Variants in RC3H2 observed in about 807,000 individuals in gnomAD.
The protein encoded by RC3H2 is ring finger and CCCH-type domains 2.
RC3H2 carries 31 observed loss-of-function variants against 133.3 expected under a neutral mutation model. The observed-to-expected ratio is 0.23, with a 90% confidence interval of 0.17 to 0.31. RC3H2 has a LOEUF of 0.31. Ranked by LOEUF, RC3H2 falls within the 10% of genes least tolerant of loss-of-function variation. The pLI is 1.00. For synonymous variants in RC3H2, 517 were observed against 502.2 expected, an observed-to-expected ratio of 1.03 and a Z score of -0.40; for missense variants, 1,175 against 1,437.2, an observed-to-expected ratio of 0.82 and a Z score of 2.95.
intron 4 of RC3H2, among the ~76,000 whole-genome samples, chr9:122,884,527 T>C (rs1831810091): frequency 6.6e-6 from 1 of 152,064 alleles, no homozygotes; most frequent in African/African-American, 2.4e-5. Context: ...CTGAAGTTAA[T>C]CATTGGAGAA....
Position 122,897,259 on chromosome 9 carries a change from G to C in RC3H2, c.231+20C>G, listed in dbSNP as rs779133221. The C allele has an allele frequency of 1.2e-6, 2 of 1,612,016 alleles. No individual in the cohort carries two copies. Among genetic ancestry groups the C allele is most frequent in the Non-Finnish European group, 1.7e-6 (2 of 1,178,418 alleles). On this transcript the variant is annotated intron_variant, in intron 2 of 20. Transcript: ENST00000357244. ...GTGATTATTTTTGCACCAACCTATA[G>C]TAAAATCTTGAATGCTTACCTGGGC...
Position 122,851,138 on chromosome 9 carries a change from T to C in RC3H2, c.3323A>G (p.His1108Arg). 6.2e-7 allele frequency: 1 copy of C among 1,614,250 alleles called. No individual in the cohort carries two copies. Among genetic ancestry groups the C allele is most frequent in the Non-Finnish European group, 8.5e-7 (1 of 1,180,042 alleles). The change falls in exon 20 of 21, where the codon CAC becomes CGC. Residue 1108 changes from histidine to arginine, a missense_variant. By Grantham distance (29) the His-to-Arg change is conservative. Coordinates refer to ENST00000357244, the MANE Select transcript of RC3H2 (RefSeq NM_001100588.3). The stretch of plus-strand genomic sequence containing the variant: ...CTTCTGCTTTGGTGGCTCCTTTTGG[T>C]GCTGCTGTACTGGATGCCCATTTTC... ...AVENGHPVQQHQKEPPKQKKQ... is the reference protein window; with the variant it reads ...AVENGHPVQQRQKEPPKQKKQ...
At chr9:122,874,298 G>C (rs183223717) in intron 9 of RC3H2, 2 of 152,080 alleles carry the variant, frequency 1.3e-5, no homozygotes, top group East Asian at 1.9e-4. Context: ...ATGTACTGAG[G>C]AACTAATTAA....
At chr9:122,894,797 T>C (rs1832347908) in intron 2 of RC3H2, among the ~76,000 whole-genome samples, 1 of 151,814 alleles carries the variant, frequency 6.6e-6, no homozygotes, top group South Asian at 2.1e-4. Context: ...GGAGAATCAC[T>C]TGAACCTGGG....
chr9:122,854,567 C>T lies in RC3H2; in HGVS notation c.2864G>A (p.Gly955Asp), dbSNP rs1403262901. 5 of 1,613,444 alleles carry T rather than the reference C, an allele frequency of 3.1e-6. No homozygotes were observed. In the African/African-American group the frequency reaches 6.7e-5, roughly 22 times the overall value. Reference protein sequence around the residue: ...NAVDSRWSSYGNEATSSAHYV... With the variant: ...NAVDSRWSSYDNEATSSAHYV... ...GTGTGCTGATGATGTGGCCTCGTTG[C>T]CATATGAACTCCACCTTGAATCAAC... The change falls in exon 16 of 21, where the codon GGC (glycine) becomes GAC (aspartate). Residue 955 changes from glycine to aspartate, a missense_variant. Physicochemically the swap from Gly to Asp is moderately conservative, Grantham distance 94. Transcript: ENST00000357244.
intron 1 of RC3H2, among the ~76,000 whole-genome samples, chr9:122,900,135 T>G (rs1832599187): frequency 6.6e-6 from 1 of 152,208 alleles, no homozygotes; most frequent in Admixed American, 6.5e-5. Context: ...GTTACAATAG[T>G]CCTTAGTGTG....
intron 9 of RC3H2, among the ~76,000 whole-genome samples, chr9:122,866,429 T>C (rs1436611692): frequency 1.7e-5 from 2 of 118,674 alleles, no homozygotes. Context: ...TCTCCCTCTC[T>C]TTCCACGGTC....
Position 122,877,489 on chromosome 9 carries a change from G to C in RC3H2, c.1307C>G (p.Ser436Cys), listed in dbSNP as rs1386242621. 2 of 1,613,876 alleles carry C rather than the reference G, an allele frequency of 1.2e-6. No individual in the cohort carries two copies. Among genetic ancestry groups the C allele is most frequent in the East Asian group, 2.2e-5 (1 of 44,878 alleles). The change falls in exon 9 of 21, where the codon TCT (serine) becomes TGT (cysteine). Residue 436 changes from serine (S) to cysteine (C), a missense_variant. Physicochemically the swap from Ser to Cys is moderately radical, Grantham distance 112. Coordinates refer to ENST00000357244, the MANE Select transcript of RC3H2 (RefSeq NM_001100588.3). ...CACTTACTTTTCAAGCTCTTCCTGA[G>C]AATGGGCAAATGTACAATTTGTTCC... ...PRGTNCTFAH[S>C]QEELEKYRLR...
chr9:122,905,341 G>C lies in RC3H2; in HGVS notation c.-299C>G. The C allele has an allele frequency of 1.0e-6, 1 of 965,092 alleles. No homozygotes were observed. The highest frequency in any genetic ancestry group is 1.2e-6 in the Non-Finnish European group (1 of 811,420). The allele number at this position is 965,092 out of a possible 1,614,324, so 59.8% of individuals were successfully genotyped here. ...CCTCCTCCTCCTCCTCCTCACCACG[G>C]AGGCGGACCTGGAGGGATCCCGATC... On this transcript the variant is annotated 5_prime_UTR_variant, in exon 1 of 21. Transcript: ENST00000357244.
chr9:122,874,307 A>T (rs1316349196), intron 9 of RC3H2: 2 of 152,146 alleles, frequency 1.3e-5, no homozygotes, highest in African/African-American at 4.8e-5. Context: ...GGAACTAATT[A>T]AGAATTTAAA....
chr9:122,869,294 A>G lies in RC3H2; in HGVS notation c.1326-3637T>C, dbSNP rs550960279. On this transcript the variant is annotated intron_variant, in intron 9 of 20. Transcript: ENST00000357244. ...TGGTGTCATAATTATATATGCCTAA[A>G]GTAATGTTATTAATGTTATATATAA... 3.3e-5 allele frequency among the ~76,000 whole-genome samples: 5 copies of G among 151,338 alleles called. No homozygotes were observed. In the East Asian group the frequency reaches 9.6e-4, roughly 29 times the overall value.
In RC3H2 at chr9:122,858,799, G is replaced by A; in HGVS notation, c.2153C>T (p.Pro718Leu). 1 of 1,614,270 alleles carries A rather than the reference G, an allele frequency of 6.2e-7. No homozygotes were observed. The highest frequency in any genetic ancestry group is 1.1e-5 in the South Asian group (1 of 91,088). ...AGATGAGTGCATCACATCCATTGGAGGTAAAGAATTGCTTCTAATAATGTC... is the reference window on the plus strand; with the variant it reads ...AGATGAGTGCATCACATCCATTGGAAGTAAAGAATTGCTTCTAATAATGTC... ...RDDIIRSNSL[P>L]PMDVMHSSVY... The change falls in exon 12 of 21, where the codon CCT becomes CTT. Residue 718 changes from proline to leucine, a missense_variant. By Grantham distance (98) the Pro-to-Leu change is moderately conservative. Around this residue, in one of 8 missense-constraint regions of RC3H2, gnomAD observed 490 missense variants for 492.8 expected, o/e 0.99. Coordinates refer to ENST00000357244, the MANE Select transcript of RC3H2 (RefSeq NM_001100588.3).
intron 4 of RC3H2, among the ~76,000 whole-genome samples, chr9:122,885,169 G>A (rs916036974): frequency 1.3e-5 from 2 of 152,016 alleles, no homozygotes; most frequent in Non-Finnish European, 2.9e-5. Flanking sequence ...TTGTTTTTAG[G>A]AAAACTAAAT....
intron 9 of RC3H2, among the ~76,000 whole-genome samples, chr9:122,870,615 A>C (rs1223062559): frequency 6.6e-6 from 1 of 152,194 alleles, no homozygotes; most frequent in Non-Finnish European, 1.5e-5. Flanking sequence ...ACAGGATCTC[A>C]CTATGTTGCC....
At position 122,858,895 on chromosome 9, in the gene RC3H2, A is replaced by C. The variant is rs1466468587; in HGVS notation, c.2057T>G (p.Val686Gly). The C allele has an allele frequency of 6.2e-7, 1 of 1,614,126 alleles. No homozygotes were observed. The highest frequency in any genetic ancestry group is 1.3e-5 in the African/African-American group (1 of 74,958). ...CACAGGAGCATACATTCCAGAAGGT[A>C]CTGGAGGAACTGGTCCATACGGCTG... ...PPQPYGPVPP[V>G]PSGMYAPVYD... Residue 686 changes from valine (V) to glycine (G), a missense_variant, in exon 12 of 21, where the codon GTA becomes GGA. By Grantham distance (109) the Val-to-Gly change is moderately radical (BLOSUM62 -3). Around this residue, in one of 8 missense-constraint regions of RC3H2, gnomAD observed 490 missense variants for 492.8 expected, o/e 0.99. Transcript: ENST00000357244.
At chr9:122,878,289 C>T (rs942453920) in intron 8 of RC3H2, among the ~76,000 whole-genome samples, 24 of 152,010 alleles carry the variant, frequency 1.6e-4, no homozygotes, top group African/African-American at 4.6e-4. Context: ...ATCTTTGAGA[C>T]GGAGTCTTGC....
chr9:122,867,065 G>C (rs1476232350), intron 9 of RC3H2, among the ~76,000 whole-genome samples: 2 of 138,556 alleles, frequency 1.4e-5, no homozygotes, highest in Non-Finnish European at 3.2e-5. Flanking sequence ...ACCCCGTCTG[G>C]GAGGTGAGGA....
chr9:122,891,186 AT>A (rs200819569), intron 3 of RC3H2, among the ~76,000 whole-genome samples: 2 of 151,104 alleles, frequency 1.3e-5, no homozygotes, highest in Admixed American at 6.6e-5. Flanking sequence ...CACCTGGCTA[AT>A]TTTTTTTGTA....
intron 4 of RC3H2, 103 bp from the exon 5 acceptor site, chr9:122,883,482 C>T (rs528797677): frequency 1.1e-5 from 8 of 745,702 alleles, no homozygotes; most frequent in Admixed American, 3.3e-5. Flanking sequence ...TGGCCCATTA[C>T]CCATAATTTA....
Sources: allele counts gnomAD v4.1 joint callset (sites outside exome capture counted in the v4.1 genomes callset), GRCh38; gene constraint gnomAD v4.1.1; regional missense constraint gnomAD v4.1.1; transcripts MANE v1.5; gene names NCBI Gene and HGNC (gene_info 2026-07-23, HGNC 2026-07-21).